Variants in MXD1 observed in about 807,000 individuals in gnomAD.
MXD1 encodes MAX dimerization protein 1, also known as MAX-binding protein.
MXD1 carries 9 observed loss-of-function variants against 25.7 expected under a neutral mutation model. The ratio of observed to expected loss-of-function variants is 0.35; its 90% CI spans 0.21 to 0.61. MXD1 has a LOEUF of 0.61. Among genes scored for constraint, MXD1 ranks in the 20% least tolerant of loss-of-function variants. The pLI is 0.75. For missense variants in MXD1, 227 were observed against 292.4 expected (o/e 0.78, Z 1.63); for synonymous variants, 99 against 113.9 (o/e 0.87, Z 0.83).
rs1211970257 is a variant in MXD1 at position 69,940,774 on chromosome 2, G to A, written c.*2490G>A. 30 of 152,612 alleles carry A rather than the reference G, an allele frequency of 2.0e-4. No homozygotes were observed. The highest frequency in any genetic ancestry group is 2.0e-3 in the Admixed American group (30 of 15,270). 9.5% of individuals were successfully genotyped at this position (152,612 alleles called of 1,614,324 possible). The stretch of plus-strand genomic sequence containing the variant: ...GACATTACTTTCAAAGCTTGAGGTA[G>A]ACCGAGTCAGCATGCTAGACAGGCT... On this transcript the variant is annotated 3_prime_UTR_variant, in exon 6 of 6. Coordinates refer to ENST00000264444, the MANE Select transcript of MXD1 (RefSeq NM_002357.4).
intron 2 of MXD1, among the ~76,000 whole-genome samples, chr2:69,918,750 G>A (rs1443807901): frequency 6.6e-6 from 1 of 152,098 alleles, no homozygotes; most frequent in Non-Finnish European, 1.5e-5. Flanking sequence ...TTTAAATGGT[G>A]AAATTTGACC....
intron 3 of MXD1, among the ~76,000 whole-genome samples, chr2:69,922,795 G>A (rs868182954): frequency 3.3e-5 from 5 of 150,768 alleles, no homozygotes; most frequent in African/African-American, 4.9e-5. Flanking sequence ...CAGGAGAATC[G>A]CTTGAACCCT....
chr2:69,934,417 C>A, intron 3 of MXD1, among the ~76,000 whole-genome samples: 1 of 152,218 alleles, frequency 6.6e-6, no homozygotes, highest in Non-Finnish European at 1.5e-5. Flanking sequence ...CTCGTGCTCT[C>A]TCTTCAGTCA....
At position 69,942,272 on chromosome 2, in the gene MXD1, A is replaced by G. The variant is rs1013909870; in HGVS notation, c.*3988A>G. The G allele has an allele frequency of 6.6e-6, 1 of 152,192 alleles. No homozygotes were observed. Among genetic ancestry groups the G allele is most frequent in the African/African-American group, 2.4e-5 (1 of 41,444 alleles). 9.4% of individuals were successfully genotyped at this position (152,192 alleles called of 1,614,324 possible). A position where few individuals can be genotyped will look rare whatever the true frequency, so the allele number is the denominator to read the frequency against. Reference sequence around the variant, plus strand: ...TTTCGATGAGGTGGTTTCTCATTCTACATCCTCTGATCTCTATAGACTGTA... The same window carrying G: ...TTTCGATGAGGTGGTTTCTCATTCTGCATCCTCTGATCTCTATAGACTGTA... On this transcript the variant is annotated 3_prime_UTR_variant, in exon 6 of 6. Coordinates refer to ENST00000264444, the MANE Select transcript of MXD1 (RefSeq NM_002357.4).
chr2:69,918,678 T>C (rs1407952823), intron 2 of MXD1, among the ~76,000 whole-genome samples: 4 of 152,178 alleles, frequency 2.6e-5, no homozygotes, highest in African/African-American at 9.7e-5. Flanking sequence ...AACCCAAGAA[T>C]TTTTCCTGGT....
At position 69,941,573 on chromosome 2, in the gene MXD1, GTTTTGT is replaced by G. The variant is rs1376248652; in HGVS notation, c.*3294_*3299del. The G allele has an allele frequency of 3.3e-5, 5 of 152,116 alleles. No homozygotes were observed. The highest frequency in any genetic ancestry group is 7.4e-5 in the Non-Finnish European group (5 of 68,010). 9.4% of individuals were successfully genotyped at this position (152,116 alleles called of 1,614,324 possible). Reference sequence around the variant, plus strand: ...CTGCAGTTGGCCACTTGAGTGTTTTGTTTTGTTTTTATTTTTTAAGGTGGGCATTTT... The same window carrying G: ...CTGCAGTTGGCCACTTGAGTGTTTTGTTTTATTTTTTAAGGTGGGCATTTT... On this transcript the variant is annotated 3_prime_UTR_variant, in exon 6 of 6. Transcript: ENST00000264444.
chr2:69,938,243 A>G lies in MXD1; in HGVS notation c.625A>G (p.Ile209Val), dbSNP rs1677505945. Residue 209 changes from isoleucine (I) to valine (V), a missense_variant, in exon 6 of 6, where the codon ATA becomes GTA. By Grantham distance (29) the Ile-to-Val change is conservative. Transcript: ENST00000264444. Reference protein sequence around the residue: ...EGYSSTSIKRIKLQDSHKACL... With the variant: ...EGYSSTSIKRVKLQDSHKACL... ...CTATTCCAGCACCAGCATCAAGAGA[A>G]TAAAGCTGCAGGACAGTCACAAGGC... 2 of 1,614,212 alleles carry G rather than the reference A, an allele frequency of 1.2e-6. No homozygotes were observed. Among genetic ancestry groups the G allele is most frequent in the Non-Finnish European group, 8.5e-7 (1 of 1,180,032 alleles).
chr2:69,931,719 C>T (rs768727617), intron 3 of MXD1, among the ~76,000 whole-genome samples: 2 of 152,106 alleles, frequency 1.3e-5, no homozygotes, highest in Non-Finnish European at 2.9e-5. Flanking sequence ...TAGTTATGGG[C>T]CATACTTGAT....
chr2:69,938,104 C>A lies in MXD1; in HGVS notation c.486C>A (p.Ile162=), dbSNP rs764130167. ...SERSDSDREE[I]DVDVESTDYL... ...CTCTTGTCCTCCCTGCAGAAGAAAT[C>A]GACGTTGACGTGGAGAGCACGGACT... Residue 162 remains isoleucine, a synonymous_variant, in exon 6 of 6, where the codon ATC becomes ATA. Coordinates refer to ENST00000264444, the MANE Select transcript of MXD1 (RefSeq NM_002357.4). The A allele has an allele frequency of 1.3e-5, 21 of 1,613,650 alleles. No individual in the cohort carries two copies. The highest frequency in any genetic ancestry group is 1.7e-5 in the Non-Finnish European group (20 of 1,179,766).
rs750608242 is a variant in MXD1, at chr2:69,935,475, T to C, written c.318+10T>C. On this transcript the variant is annotated intron_variant, in intron 4 of 5. Transcript: ENST00000264444. ...CAAATTGCACATAAAGGTAAGTGTA[T>C]TGTTGGGATGCTGCTTTATCTTTAC... 1 of 1,561,410 alleles carries C rather than the reference T, an allele frequency of 6.4e-7. No homozygotes were observed. Among genetic ancestry groups the C allele is most frequent in the African/African-American group, 1.4e-5 (1 of 73,820 alleles).
At chr2:69,926,711 TTTG>T (rs1448214401) in intron 3 of MXD1, among the ~76,000 whole-genome samples, 3 of 152,232 alleles carry the variant, frequency 2.0e-5, no homozygotes, top group Non-Finnish European at 4.4e-5. Context: ...ATTTGAATCT[TTTG>T]TTGTTACATA....
At position 69,922,295 on chromosome 2, in the gene MXD1, A is replaced by C. The variant is rs555758879; in HGVS notation, c.203+530A>C. 3.4e-3 allele frequency among the ~76,000 whole-genome samples: 512 copies of C among 152,292 alleles called. 2 individuals carry two copies. The highest frequency in any genetic ancestry group is 5.1e-3 in the Non-Finnish European group (346 of 68,012). Reference sequence around the variant, plus strand: ...TAACTAGAGGAGGACTGCCACCCTCACTGGGCTCCATCTTGCCGCAGCCTG... The same window carrying C: ...TAACTAGAGGAGGACTGCCACCCTCCCTGGGCTCCATCTTGCCGCAGCCTG... On this transcript the variant is annotated intron_variant, in intron 3 of 5. Coordinates refer to ENST00000264444, the MANE Select transcript of MXD1 (RefSeq NM_002357.4).
chr2:69,925,926 GT>G (rs10710560), intron 3 of MXD1, among the ~76,000 whole-genome samples: 13,424 of 152,042 alleles, frequency 0.088, 886 homozygotes, highest in Non-Finnish European at 0.13. Flanking sequence ...ACCTTTATGA[GT>G]TTGATAAGTA....
In MXD1 at chr2:69,915,281, A is replaced by C; in HGVS notation, c.-50A>C. 7.7e-7 allele frequency: 1 copy of C among 1,293,046 alleles called. No individual in the cohort carries two copies. The highest frequency in any genetic ancestry group is 3.1e-5 in the East Asian group (1 of 32,086). 80.1% of individuals were successfully genotyped at this position (1,293,046 alleles called of 1,614,324 possible). A position where few individuals can be genotyped will look rare whatever the true frequency, so the allele number is the denominator to read the frequency against. On this transcript the variant is annotated 5_prime_UTR_variant, in exon 1 of 6. Transcript: ENST00000264444. The surrounding 1 kb of genome is among the most constrained non-coding windows in gnomAD (Gnocchi z 5.8). ...CCACAGCGGTCCGGCGGCGGCAGCGAGCCCGTGGGCAGTGGGGGTTGGTCC... is the reference window on the plus strand; with the variant it reads ...CCACAGCGGTCCGGCGGCGGCAGCGCGCCCGTGGGCAGTGGGGGTTGGTCC...
At chr2:69,937,859 C>T (rs543707687) in intron 5 of MXD1, among the ~76,000 whole-genome samples, 1 of 152,340 alleles carries the variant, frequency 6.6e-6, no homozygotes, top group South Asian at 2.1e-4. Context: ...AGTAATTCAC[C>T]CACCTTGGCC....
Position 69,922,879 on chromosome 2 carries a change from CAAAAAAAA to C in MXD1, c.203+1124_203+1131del, listed in dbSNP as rs34830116. Among the ~76,000 whole-genome samples the C allele has an allele frequency of 6.1e-5, 7 of 115,058 alleles. No homozygotes were observed. In the East Asian group the frequency reaches 1.7e-3, roughly 28 times the overall value. The allele number at this position is 115,058 out of a possible 152,430, so 75.5% of individuals were successfully genotyped here. On this transcript the variant is annotated intron_variant, in intron 3 of 5. Coordinates refer to ENST00000264444, the MANE Select transcript of MXD1 (RefSeq NM_002357.4). ...TGGGCAACAGAGTGAGACTCCGTCTCAAAAAAAAAAAAAAAAAGTAGAGTGACTAATGT... is the reference window on the plus strand; with the variant it reads ...TGGGCAACAGAGTGAGACTCCGTCTCAAAAAAAAAGTAGAGTGACTAATGT...
chr2:69,938,352 A>G lies in MXD1; in HGVS notation c.*68A>G, dbSNP rs1052035768. On this transcript the variant is annotated 3_prime_UTR_variant, in exon 6 of 6. Transcript: ENST00000264444. Reference sequence around the variant, plus strand: ...TGGTTCTGATTAGGTAACGTATTGGACCTGCCCACAACTCCCTTGCACGTA... The same window carrying G: ...TGGTTCTGATTAGGTAACGTATTGGGCCTGCCCACAACTCCCTTGCACGTA... The G allele has an allele frequency of 4.0e-6, 6 of 1,514,036 alleles. No individual in the cohort carries two copies. The highest frequency in any genetic ancestry group is 2.3e-5 in the East Asian group (1 of 43,994). The allele number at this position is 1,514,036 out of a possible 1,614,324, so 93.8% of individuals were successfully genotyped here.
chr2:69,928,653 G>C (rs1416921033), intron 3 of MXD1, among the ~76,000 whole-genome samples: 1 of 150,612 alleles, frequency 6.6e-6, no homozygotes, highest in Non-Finnish European at 1.5e-5. Flanking sequence ...GATCAGTTGA[G>C]CCCAGGAATT....
intron 3 of MXD1, among the ~76,000 whole-genome samples, chr2:69,933,312 AATAAC>A (rs1424188080): frequency 2.0e-5 from 3 of 152,038 alleles, no homozygotes; most frequent in African/African-American, 7.2e-5. Flanking sequence ...TAGTGTTTCT[AATAAC>A]ATGATCTATT....
Sources: allele counts gnomAD v4.1 joint callset (sites outside exome capture counted in the v4.1 genomes callset), GRCh38; gene constraint gnomAD v4.1.1; non-coding constraint Gnocchi (gnomAD v3.1); transcripts MANE v1.5; gene names NCBI Gene and HGNC (gene_info 2026-07-23, HGNC 2026-07-21).